Variants in CADM1 observed in about 807,000 individuals in gnomAD.
CADM1 encodes TSLC-1.
In CADM1, 15 loss-of-function variants were observed where a neutral mutation model predicts 53.1. The ratio of observed to expected loss-of-function variants is 0.28; its 90% CI spans 0.19 to 0.44. CADM1 has a LOEUF of 0.44. Among genes scored for constraint, CADM1 ranks in the 20% least tolerant of loss-of-function variants. CADM1 has a pLI of 1.00. For synonymous variants in CADM1, 281 were observed against 243.0 expected, an observed-to-expected ratio of 1.16 and a Z score of -1.45; for missense variants, 434 against 611.3, an observed-to-expected ratio of 0.71 and a Z score of 3.06.
At chr11:115,257,116 A>C (rs750697203) in intron 1 of CADM1, among the ~76,000 whole-genome samples, 3 of 152,234 alleles carry the variant, frequency 2.0e-5, no homozygotes, top group Non-Finnish European at 2.9e-5. Context: ...ATAAGATGCC[A>C]AAATCAACAC....
chr11:115,251,248 G>C (rs189721369), intron 1 of CADM1, among the ~76,000 whole-genome samples: 3 of 152,168 alleles, frequency 2.0e-5, no homozygotes, highest in Admixed American at 6.5e-5. Flanking sequence ...GACAGTCTAC[G>C]TGGCTGAAAT....
At chr11:115,295,097 GTTAAT>G (rs1346180373) in intron 1 of CADM1, among the ~76,000 whole-genome samples, 3 of 152,068 alleles carry the variant, frequency 2.0e-5, no homozygotes, top group Non-Finnish European at 4.4e-5. Context: ...ATGCTTATTA[GTTAAT>G]CTAGTTTGCT....
intron 1 of CADM1, among the ~76,000 whole-genome samples, chr11:115,287,946 C>G (rs1442408984): frequency 6.6e-6 from 1 of 152,228 alleles, no homozygotes; most frequent in Non-Finnish European, 1.5e-5. Flanking sequence ...ATCATTATGT[C>G]AGGTGATGAT....
intron 1 of CADM1, among the ~76,000 whole-genome samples, chr11:115,296,073 C>G (rs936705254): frequency 2.6e-5 from 4 of 152,238 alleles, no homozygotes; most frequent in African/African-American, 9.6e-5. Context: ...GCCTCAGCCT[C>G]CCGAGTAGCT....
At chr11:115,257,585 A>G (rs1031647329) in intron 1 of CADM1, among the ~76,000 whole-genome samples, 3 of 152,268 alleles carry the variant, frequency 2.0e-5, no homozygotes, top group Non-Finnish European at 4.4e-5. Flanking sequence ...TTAAATGTCA[A>G]AAATGTTTAT....
intron 8 of CADM1, among the ~76,000 whole-genome samples, chr11:115,205,885 A>G (rs1371612530): frequency 6.6e-6 from 1 of 152,164 alleles, no homozygotes; most frequent in Non-Finnish European, 1.5e-5. Flanking sequence ...AAGCCACAAC[A>G]AGTTGATACG....
chr11:115,463,780 GA>G (rs1192921701), intron 1 of CADM1, among the ~76,000 whole-genome samples: 1 of 147,656 alleles, frequency 6.8e-6, no homozygotes, highest in African/African-American at 2.5e-5. Flanking sequence ...CTGCAAAGGA[GA>G]TAAGACCAGT....
intron 1 of CADM1, among the ~76,000 whole-genome samples, chr11:115,261,048 GT>G: frequency 6.6e-6 from 1 of 152,190 alleles, no homozygotes; most frequent in Non-Finnish European, 1.5e-5. Context: ...CTACCCACTT[GT>G]TACATAGGCC....
At chr11:115,380,175 G>C (rs1331110756) in intron 1 of CADM1, among the ~76,000 whole-genome samples, 1 of 152,036 alleles carries the variant, frequency 6.6e-6, no homozygotes, top group Non-Finnish European at 1.5e-5. Flanking sequence ...AAGATGTAAA[G>C]TGAATTTGGA....
chr11:115,238,769 T>C, intron 2 of CADM1, 117 bp from the exon 3 acceptor site: 1 of 1,068,744 alleles, frequency 9.4e-7, no homozygotes, highest in East Asian at 2.5e-5. Flanking sequence ...ATTTTGGGTG[T>C]TTGCAGTAAC....
intron 1 of CADM1, among the ~76,000 whole-genome samples, chr11:115,347,680 G>A (rs1409573527): frequency 6.6e-6 from 1 of 152,152 alleles, no homozygotes; most frequent in Non-Finnish European, 1.5e-5. Flanking sequence ...TAGTGCAATG[G>A]AATATTTTTT....
chr11:115,472,446 T>A (rs181566223), intron 1 of CADM1, among the ~76,000 whole-genome samples: 1,531 of 151,922 alleles, frequency 0.01, 15 homozygotes, highest in Non-Finnish European at 0.012. Context: ...TATATATGTA[T>A]ATAGGGGGGG....
intron 1 of CADM1, among the ~76,000 whole-genome samples, chr11:115,242,336 GAA>G (rs200660668): frequency 5.2e-5 from 3 of 57,624 alleles, no homozygotes; most frequent in Admixed American, 1.9e-4. Context: ...AAGGTGATCA[GAA>G]AAAAAAAAAA....
intron 1 of CADM1, among the ~76,000 whole-genome samples, chr11:115,334,645 A>G (rs1945218956): frequency 6.6e-6 from 1 of 152,152 alleles, no homozygotes; most frequent in South Asian, 2.1e-4. Flanking sequence ...GTTCAATACT[A>G]TCCTCAGAAT....
intron 1 of CADM1, among the ~76,000 whole-genome samples, chr11:115,407,175 G>A (rs1378595755): frequency 6.6e-6 from 1 of 152,112 alleles, no homozygotes; most frequent in East Asian, 1.9e-4. Flanking sequence ...TGCTACAGAG[G>A]TTTGGGCGAA....
intron 5 of CADM1, among the ~76,000 whole-genome samples, chr11:115,224,778 G>T (rs377690429): frequency 6.6e-6 from 1 of 152,094 alleles, no homozygotes; most frequent in Non-Finnish European, 1.5e-5. Flanking sequence ...TTCTCTTAAC[G>T]CTCAGACAGT....
At chr11:115,194,691 C>T (rs143302385) in intron 9 of CADM1, among the ~76,000 whole-genome samples, 116 of 152,016 alleles carry the variant, frequency 7.6e-4, no homozygotes, top group African/African-American at 2.6e-3. Flanking sequence ...GAGAGAGAGA[C>T]GGAGACAGAG....
At chr11:115,425,410 G>C (rs1270903124) in intron 1 of CADM1, among the ~76,000 whole-genome samples, 2 of 152,170 alleles carry the variant, frequency 1.3e-5, no homozygotes, top group Non-Finnish European at 2.9e-5. Context: ...AGCCAAACAG[G>C]CTAGCGTAAT....
chr11:115,174,286 T>A lies in CADM1; in HGVS notation c.*2188A>T. ...GTGTGATTTTTTTTTTTTGTTTTTG[T>A]TTTTGTTTTTCTTTTTTTCTAAAAA... is the stretch of plus-strand genomic sequence containing the variant. On this transcript the variant is annotated 3_prime_UTR_variant, in exon 12 of 12. Transcript: ENST00000331581. The A allele has an allele frequency of 1.0e-6, 1 of 985,542 alleles. No individual in the cohort carries two copies. The highest frequency in any genetic ancestry group is 1.2e-6 in the Non-Finnish European group (1 of 829,794). 61.0% of individuals were successfully genotyped at this position (985,542 alleles called of 1,614,324 possible).
Sources: gnomAD v4.1 joint callset for allele counts (sites outside exome capture counted in the v4.1 genomes callset) on GRCh38, gnomAD v4.1.1 for gene constraint, MANE v1.5 for transcripts, NCBI Gene and HGNC (gene_info 2026-07-23, HGNC 2026-07-21) for gene names.